Variants in NDST1 observed in about 807,000 individuals in gnomAD.
NDST1 encodes the protein N-deacetylase and N-sulfotransferase 1, also known as bifunctional heparan sulfate N-deacetylase/N-sulfotransferase 1.
Under a neutral mutation model 92.8 loss-of-function variants are expected in NDST1, and 35 were observed. The observed-to-expected ratio is 0.38, with a 90% confidence interval of 0.29 to 0.50. The LOEUF (loss-of-function observed/expected upper bound fraction) is 0.50. NDST1 is among the 20% of genes least tolerant of loss of function. The pLI is 0.94. For synonymous variants in NDST1, 493 were observed against 500.3 expected (o/e 0.99, Z 0.19); for missense variants, 822 against 1,182.7 (o/e 0.69, Z 4.47).
chr5:150,535,655 G>A (rs1193388974), intron 5 of NDST1, 45 bp from the exon 6 acceptor site: 1 of 1,609,220 alleles, frequency 6.2e-7, no homozygotes, highest in East Asian at 2.2e-5. Context: ...GGCCCAAAGG[G>A]GAAGGACCCC....
upstream of NDST1, among the ~76,000 whole-genome samples, chr5:150,504,934 C>T (rs1222195213): frequency 6.6e-6 from 1 of 152,180 alleles, no homozygotes; most frequent in Non-Finnish European, 1.5e-5. Context: ...AGGATGTGGG[C>T]TCCAAGTTCA....
At chr5:150,501,789 G>A (rs1032037194) in intron 1 of NDST1, among the ~76,000 whole-genome samples, 1 of 152,222 alleles carries the variant, frequency 6.6e-6, no homozygotes, top group African/African-American at 2.4e-5. Context: ...TCACTGTCAG[G>A]TGGTGAGATG....
intron 1 of NDST1, among the ~76,000 whole-genome samples, chr5:150,513,257 G>T (rs542703874): frequency 1.3e-5 from 2 of 151,998 alleles, no homozygotes; most frequent in South Asian, 4.1e-4. Flanking sequence ...TTGGGAGGCC[G>T]AGGCAGGTGG....
intron 13 of NDST1, chr5:150,550,294 G>C (rs537866295): frequency 1.2e-5 from 2 of 173,166 alleles, no homozygotes; most frequent in South Asian, 2.6e-4. Flanking sequence ...TAGAGAAGGG[G>C]TTTCACCATG....
At chr5:150,523,490 A>G (rs1181367886) in intron 2 of NDST1, among the ~76,000 whole-genome samples, 1 of 152,222 alleles carries the variant, frequency 6.6e-6, no homozygotes, top group Non-Finnish European at 1.5e-5. Flanking sequence ...GATAGGAGGA[A>G]ACTGAGGCAA....
intron 1 of NDST1, among the ~76,000 whole-genome samples, chr5:150,519,777 G>A (rs1754154378): frequency 6.6e-6 from 1 of 152,208 alleles, no homozygotes; most frequent in African/African-American, 2.4e-5. Context: ...AGGGAGACTG[G>A]TAGACTGTGT....
intron 12 of NDST1, among the ~76,000 whole-genome samples, chr5:150,548,775 C>G (rs1561609063): frequency 6.6e-6 from 1 of 152,122 alleles, no homozygotes; most frequent in African/African-American, 2.4e-5. Context: ...CTCAAGCAGT[C>G]CTCCCTTGGT....
Position 150,543,986 on chromosome 5 carries a change from G to T in NDST1, c.1970+1015G>T, listed in dbSNP as rs961043192. 1.4e-4 allele frequency among the ~76,000 whole-genome samples: 21 copies of T among 152,244 alleles called. No homozygotes were observed. The East Asian group carries it at 3.7e-3, about 27-fold the overall frequency. On this transcript the variant is annotated intron_variant, in intron 10 of 14. Transcript: ENST00000261797. ...GTAGAGACGAGGTTTTGCCATGTTG[G>T]TCAGGCTGGTCTTGAACTCCTGACC...
chr5:150,505,543 G>C (rs1753411833), upstream of NDST1, among the ~76,000 whole-genome samples: 1 of 152,166 alleles, frequency 6.6e-6, no homozygotes, highest in Admixed American at 6.5e-5. Context: ...ATTTAACAAA[G>C]AGCCCAGAAC....
Position 150,542,829 on chromosome 5 carries a change from G to C in NDST1, c.1847-19G>C, listed in dbSNP as rs745911944. ...CTGGGGGCTGGGCCCTGGGTCTCAGGTGTCTACCCTCCCCACAGGCACCAC... is the reference window on the plus strand; with the variant it reads ...CTGGGGGCTGGGCCCTGGGTCTCAGCTGTCTACCCTCCCCACAGGCACCAC... On this transcript the variant is annotated intron_variant, in intron 9 of 14. Transcript: ENST00000261797. The C allele has an allele frequency of 6.2e-6, 10 of 1,614,016 alleles. No homozygotes were observed. Among genetic ancestry groups the C allele is most frequent in the Middle Eastern group, 1.6e-4 (1 of 6,062 alleles).
chr5:150,528,270 G>T lies in NDST1; in HGVS notation c.980G>T (p.Gly327Val). The T allele has an allele frequency of 6.2e-7, 1 of 1,605,082 alleles. No homozygotes were observed. The highest frequency in any genetic ancestry group is 8.5e-7 in the Non-Finnish European group (1 of 1,172,766). Residue 327 changes from glycine to valine, a missense_variant, in exon 3 of 15, where the codon GGC (glycine) becomes GTC (valine). Gly to Val is a moderately radical substitution (Grantham distance 109). Coordinates refer to ENST00000261797, the MANE Select transcript of NDST1 (RefSeq NM_001543.5). ...GATGACATCTTCGTGGGCAAGGAGG[G>T]CACACGCATGAAGGTGGAGGACGTG... ...DIDDIFVGKE[G>V]TRMKVEDVKA...
chr5:150,502,339 GGATTA>G (rs1487408801), intron 1 of NDST1, among the ~76,000 whole-genome samples: 1 of 152,168 alleles, frequency 6.6e-6, no homozygotes, highest in Non-Finnish European at 1.5e-5. Context: ...ATTTGCTGAT[GGATTA>G]GATGTGGGGT....
At chr5:150,499,464 C>G (rs142271032) in intron 1 of NDST1, among the ~76,000 whole-genome samples, 1 of 152,206 alleles carries the variant, frequency 6.6e-6, no homozygotes, top group African/African-American at 2.4e-5. Context: ...CCTTTGTGGG[C>G]TCTTCTAAGG....
chr5:150,500,909 C>T (rs1423361277), intron 1 of NDST1, among the ~76,000 whole-genome samples: 1 of 152,244 alleles, frequency 6.6e-6, no homozygotes, highest in African/African-American at 2.4e-5. Flanking sequence ...AGGCCACACT[C>T]TTCCATCTCC....
In NDST1 at chr5:150,521,019, G is replaced by T; in HGVS notation, c.-236G>T. ...GGACCACGCGGGGGTTTGCCATGGT[G>T]ACATAAAGGGGCGCGGAGGAAGGAA... On this transcript the variant is annotated 5_prime_UTR_variant, in exon 2 of 15. Transcript: ENST00000261797. The surrounding 1 kb of genome is among the most constrained non-coding windows in gnomAD (Gnocchi z 5.9). The T allele has an allele frequency of 1.7e-6, 1 of 597,628 alleles. No individual in the cohort carries two copies. The allele number at this position is 597,628 out of a possible 1,614,324, so 37.0% of individuals were successfully genotyped here.
upstream of NDST1, among the ~76,000 whole-genome samples, chr5:150,506,191 G>C (rs1389485648): frequency 6.6e-6 from 1 of 152,160 alleles, no homozygotes; most frequent in Non-Finnish European, 1.5e-5. Flanking sequence ...GCTTACTGTA[G>C]CCTCAACCTC....
chr5:150,517,521 C>T (rs904490872), intron 1 of NDST1, among the ~76,000 whole-genome samples: 2 of 152,104 alleles, frequency 1.3e-5, no homozygotes, highest in African/African-American at 4.8e-5. Context: ...CTTTCGGGTT[C>T]ACCTCTGGTA....
intron 6 of NDST1, 112 bp from the exon 7 acceptor site, chr5:150,539,116 A>T (rs891013192): frequency 2.0e-5 from 18 of 887,516 alleles, no homozygotes; most frequent in African/African-American, 3.3e-5. Context: ...GTGCGACCAC[A>T]TGGAGACTGC....
At chr5:150,520,010 A>G (rs1032096604) in intron 1 of NDST1, among the ~76,000 whole-genome samples, 1 of 152,112 alleles carries the variant, frequency 6.6e-6, no homozygotes, top group Non-Finnish European at 1.5e-5. Context: ...TGGTGGCAGT[A>G]TGGCGATCCT....
Sources: gnomAD v4.1 joint callset for allele counts (sites outside exome capture counted in the v4.1 genomes callset) on GRCh38, gnomAD v4.1.1 for gene constraint, Gnocchi (gnomAD v3.1) non-coding constraint, MANE v1.5 for transcripts, NCBI Gene and HGNC (gene_info 2026-07-23, HGNC 2026-07-21) for gene names.